Variants in PLXDC2 observed in about 807,000 individuals in gnomAD.
PLXDC2 encodes plexin domain containing 2, also known as plexin domain-containing protein 2.
Under a neutral mutation model 68.9 loss-of-function variants are expected in PLXDC2, and 40 were observed. That is an observed-to-expected ratio of 0.58 (90% confidence interval 0.45 to 0.76). The LOEUF (loss-of-function observed/expected upper bound fraction) is 0.76. Ranked by LOEUF, PLXDC2 falls within the 30% of genes least tolerant of loss-of-function variation. The probability of loss-of-function intolerance (pLI) is 0.00; values close to 1 mark genes in which losing one functional copy is unlikely to be tolerated. For synonymous variants in PLXDC2, 243 were observed against 234.2 expected, an observed-to-expected ratio of 1.04 and a Z score of -0.34; for missense variants, 644 against 661.9, an observed-to-expected ratio of 0.97 and a Z score of 0.30.
chr10:19,912,099 T>C (rs1168698448), intron 1 of PLXDC2, among the ~76,000 whole-genome samples: 2 of 152,182 alleles, frequency 1.3e-5, no homozygotes, highest in African/African-American at 4.8e-5. Context: ...TCTCAAGACT[T>C]TGGACGAACA....
chr10:20,209,712 C>G (rs181568769), intron 9 of PLXDC2, among the ~76,000 whole-genome samples: 2 of 152,162 alleles, frequency 1.3e-5, no homozygotes, highest in African/African-American at 4.8e-5. Flanking sequence ...TCATATTGTT[C>G]AAACACACAT....
chr10:20,148,646 A>G (rs759123672), intron 6 of PLXDC2, among the ~76,000 whole-genome samples: 7 of 152,220 alleles, frequency 4.6e-5, no homozygotes, highest in Non-Finnish European at 1.0e-4. Context: ...TCCAGGAACT[A>G]CAAATGTAAT....
At chr10:19,933,034 A>G (rs950661260) in intron 1 of PLXDC2, among the ~76,000 whole-genome samples, 6 of 152,170 alleles carry the variant, frequency 3.9e-5, no homozygotes, top group African/African-American at 1.2e-4. Context: ...ACAACAGAAG[A>G]AAATCAGTGT....
At position 20,140,387 on chromosome 10, in the gene PLXDC2, C is replaced by CATATATAT. The variant is rs10675416; in HGVS notation, c.542-2900_542-2893dup. On this transcript the variant is annotated intron_variant, in intron 4 of 13. Transcript: ENST00000377252. ...AAAAAATGAAGGACCAGAAAAATAA[C>CATATATAT]ATATATATATATATAAAATATCTAT... Among the ~76,000 whole-genome samples, 371 of 147,068 alleles carry CATATATAT rather than the reference C, an allele frequency of 2.5e-3. 1 individual carries two copies. Among genetic ancestry groups the CATATATAT allele is most frequent in the Non-Finnish European group, 4.3e-3 (287 of 67,044 alleles).
At chr10:19,985,735 A>T (rs1834625644) in intron 1 of PLXDC2, among the ~76,000 whole-genome samples, 1 of 152,178 alleles carries the variant, frequency 6.6e-6, no homozygotes, top group East Asian at 1.9e-4. Context: ...GAAAACATAT[A>T]CTCAAGCAAT....
At chr10:20,178,748 G>C (rs1239789501) in intron 9 of PLXDC2, among the ~76,000 whole-genome samples, 1 of 152,092 alleles carries the variant, frequency 6.6e-6, no homozygotes, top group Non-Finnish European at 1.5e-5. Context: ...TAACCTTAGA[G>C]CAACTACTGC....
intron 1 of PLXDC2, among the ~76,000 whole-genome samples, chr10:19,861,515 A>G (rs1837319781): frequency 2.0e-5 from 3 of 152,112 alleles, no homozygotes; most frequent in Non-Finnish European, 4.4e-5. Flanking sequence ...TTTAATTAGC[A>G]CAACATTCCA....
At chr10:19,948,390 CTTTT>C (rs59867874) in intron 1 of PLXDC2, among the ~76,000 whole-genome samples, 7 of 144,924 alleles carry the variant, frequency 4.8e-5, no homozygotes, top group Non-Finnish European at 4.5e-5. Context: ...TTCTTTCTTT[CTTTT>C]TTTTTTTTTT....
At chr10:20,127,547 T>G (rs369475992) in intron 4 of PLXDC2, among the ~76,000 whole-genome samples, 1 of 152,192 alleles carries the variant, frequency 6.6e-6, no homozygotes, top group Non-Finnish European at 1.5e-5. Context: ...TATAGAATAT[T>G]CAACATGTAC....
chr10:20,106,552 G>A (rs1335198815), intron 4 of PLXDC2, among the ~76,000 whole-genome samples: 2 of 152,138 alleles, frequency 1.3e-5, no homozygotes, highest in Non-Finnish European at 2.9e-5. Context: ...CATTGGCAAT[G>A]TGCATATGGG....
At chr10:19,999,019 C>A (rs1251436570) in intron 1 of PLXDC2, among the ~76,000 whole-genome samples, 1 of 152,192 alleles carries the variant, frequency 6.6e-6, no homozygotes, top group East Asian at 1.9e-4. Context: ...ATAGAGACTT[C>A]ATCGTTTCTA....
chr10:20,279,074 C>T (rs1197313566), intron 13 of PLXDC2, among the ~76,000 whole-genome samples: 1 of 152,120 alleles, frequency 6.6e-6, no homozygotes, highest in Non-Finnish European at 1.5e-5. Context: ...CACGATTGGC[C>T]ACACCCTCTG....
At chr10:19,908,370 G>A (rs1833204632) in intron 1 of PLXDC2, among the ~76,000 whole-genome samples, 1 of 152,134 alleles carries the variant, frequency 6.6e-6, no homozygotes, top group African/African-American at 2.4e-5. Context: ...ATTGTTAGAA[G>A]TACCTAATTG....
chr10:20,138,850 T>C (rs928912740), intron 4 of PLXDC2, among the ~76,000 whole-genome samples: 1 of 151,986 alleles, frequency 6.6e-6, no homozygotes, highest in Admixed American at 6.6e-5. Context: ...GAGGCAGAGT[T>C]TGCAGTGAGC....
chr10:19,954,409 C>T (rs1834036195), intron 1 of PLXDC2, among the ~76,000 whole-genome samples: 2 of 152,144 alleles, frequency 1.3e-5, no homozygotes, highest in Non-Finnish European at 2.9e-5. Context: ...CATCTAACAT[C>T]TTACAGCTTA....
At chr10:20,074,693 G>C (rs1836408733) in intron 4 of PLXDC2, among the ~76,000 whole-genome samples, 1 of 152,078 alleles carries the variant, frequency 6.6e-6, no homozygotes, top group South Asian at 2.1e-4. Flanking sequence ...ATAGGGACTT[G>C]ATTAATAACA....
At position 20,065,001 on chromosome 10, in the gene PLXDC2, T is replaced by C. The variant is rs933097786; in HGVS notation, c.472-3169T>C. Among the ~76,000 whole-genome samples, 168 of 152,170 alleles carry C rather than the reference T, an allele frequency of 1.1e-3. 3 individuals carry two copies. Among genetic ancestry groups the C allele is most frequent in the Non-Finnish European group, 4.6e-4 (31 of 68,036 alleles). On this transcript the variant is annotated intron_variant, in intron 3 of 13. Transcript: ENST00000377252. ...GTCCAACACTGTACCTGCTATTGTT[T>C]TTTTCTCTTTTCCTTGTCTCACTTT...
At chr10:19,907,995 C>T (rs546472139) in intron 1 of PLXDC2, among the ~76,000 whole-genome samples, 12 of 152,206 alleles carry the variant, frequency 7.9e-5, no homozygotes, top group South Asian at 2.1e-4. Flanking sequence ...AAGATTTAAT[C>T]GCTGTGTTAC....
At chr10:19,858,127 A>G (rs913607373) in intron 1 of PLXDC2, among the ~76,000 whole-genome samples, 8 of 152,188 alleles carry the variant, frequency 5.3e-5, no homozygotes, top group Non-Finnish European at 1.0e-4. Flanking sequence ...TGGAAAAAGG[A>G]CAGAAGATAT....
Sources: gnomAD v4.1 joint callset for allele counts (sites outside exome capture counted in the v4.1 genomes callset) on GRCh38, gnomAD v4.1.1 for gene constraint, MANE v1.5 for transcripts, NCBI Gene and HGNC (gene_info 2026-07-23, HGNC 2026-07-21) for gene names.